Variants in JAM3 observed in about 807,000 individuals in gnomAD.
JAM3 encodes junctional adhesion molecule C.
In JAM3, 31 loss-of-function variants were observed where a neutral mutation model predicts 39.4. The observed-to-expected ratio is 0.79, with a 90% CI of 0.59 to 1.06. The LOEUF (loss-of-function observed/expected upper bound fraction) is 1.06, where lower values mean the gene tolerates loss of function less well. JAM3 is among the 50% of genes least tolerant of loss of function. The probability of loss-of-function intolerance (pLI) is 0.00; values close to 1 mark genes in which losing one functional copy is unlikely to be tolerated. For missense variants in JAM3, 455 were observed against 391.4 expected, an observed-to-expected ratio of 1.16 and a Z score of -1.37; for synonymous variants, 182 against 148.7, an observed-to-expected ratio of 1.22 and a Z score of -1.63.
rs530276601 is a variant in JAM3 at position 134,121,493 on chromosome 11, T to C, written c.77-18358T>C. 1.4e-4 allele frequency among the ~76,000 whole-genome samples: 21 copies of C among 152,048 alleles called. No individual in the cohort carries two copies. The South Asian group carries it at 4.4e-3, about 32-fold the overall frequency. On this transcript the variant is annotated intron_variant, in intron 1 of 8. Transcript: ENST00000299106. Reference sequence around the variant, plus strand: ...GCTCCCTCCTTTTTTTTTTTGAGCATGTAAAACATGTTTTGTTGTTCTTTA... The same window carrying C: ...GCTCCCTCCTTTTTTTTTTTGAGCACGTAAAACATGTTTTGTTGTTCTTTA...
At chr11:134,126,430 G>C (rs575044863) in intron 1 of JAM3, 1 of 152,362 alleles carries the variant, frequency 6.6e-6, no homozygotes, top group East Asian at 1.9e-4. Flanking sequence ...TTGTTTATAT[G>C]CATGACTTTG....
chr11:134,131,320 T>C (rs1463909035), intron 1 of JAM3, among the ~76,000 whole-genome samples: 2 of 152,084 alleles, frequency 1.3e-5, no homozygotes, highest in African/African-American at 2.4e-5. Context: ...TTATAATAGC[T>C]GAACACAAGG....
chr11:134,075,214 T>G (rs1379113684), intron 1 of JAM3, among the ~76,000 whole-genome samples: 4 of 152,148 alleles, frequency 2.6e-5, no homozygotes, highest in African/African-American at 9.7e-5. Context: ...GGGTAAATAT[T>G]CTGTGGGTTT....
chr11:134,113,991 C>T (rs1228313716), intron 1 of JAM3, among the ~76,000 whole-genome samples: 1 of 152,124 alleles, frequency 6.6e-6, no homozygotes, highest in East Asian at 1.9e-4. Flanking sequence ...TAAATGTCTT[C>T]TTTTCAGAAG....
chr11:134,073,505 A>G (rs1034293509), intron 1 of JAM3, among the ~76,000 whole-genome samples: 13 of 152,162 alleles, frequency 8.5e-5, no homozygotes, highest in African/African-American at 3.1e-4. Context: ...ATGTTTGACA[A>G]CCTCAGCCCA....
chr11:134,134,384 A>C (rs551690204), intron 1 of JAM3, among the ~76,000 whole-genome samples: 2 of 142,074 alleles, frequency 1.4e-5, no homozygotes, highest in Non-Finnish European at 3.0e-5. Flanking sequence ...GAAAACACCA[A>C]ACAGGATAAA....
intron 1 of JAM3, among the ~76,000 whole-genome samples, chr11:134,069,966 A>G (rs1487022520): frequency 1.3e-5 from 2 of 152,222 alleles, no homozygotes; most frequent in Admixed American, 1.3e-4. Flanking sequence ...TGATCAAGAC[A>G]CACTAATAAA....
At chr11:134,141,265 G>C (rs971291319) in intron 3 of JAM3, among the ~76,000 whole-genome samples, 1 of 152,128 alleles carries the variant, frequency 6.6e-6, no homozygotes, top group South Asian at 2.1e-4. Context: ...GTCAGGGAAG[G>C]CTCCCCAAAG....
chr11:134,133,110 CTG>C (rs1415195815), intron 1 of JAM3, among the ~76,000 whole-genome samples: 1 of 152,164 alleles, frequency 6.6e-6, no homozygotes, highest in African/African-American at 2.4e-5. Flanking sequence ...GCATGCTAGA[CTG>C]AGAACCAGAA....
chr11:134,137,613 T>C (rs1942891680), intron 1 of JAM3, among the ~76,000 whole-genome samples: 1 of 152,142 alleles, frequency 6.6e-6, no homozygotes, highest in Non-Finnish European at 1.5e-5. Flanking sequence ...ATGGTGCTCA[T>C]ACTGAGAGAA....
At position 134,148,632 on chromosome 11, in the gene JAM3, A is replaced by T. The variant is rs778912033; in HGVS notation, c.798A>T (p.Ala266=). The T allele has an allele frequency of 8.1e-6, 13 of 1,614,184 alleles. No homozygotes were observed. In the South Asian group the frequency reaches 1.4e-4, roughly 18 times the overall value. ...TGATCACGTTGGGCATCTGCTGTGC[A>T]TACAGACGTGGCTACTTCATCAACA... ...LALITLGICC[A]YRRGYFINNK... Residue 266 remains alanine (A), a synonymous_variant, in exon 7 of 9, where the codon GCA becomes GCT. Transcript: ENST00000299106.
intron 3 of JAM3, among the ~76,000 whole-genome samples, chr11:134,143,416 T>C (rs1332804796): frequency 1.3e-5 from 2 of 152,222 alleles, no homozygotes; most frequent in Non-Finnish European, 2.9e-5. Flanking sequence ...TTTTTTTTTC[T>C]AGAAACAGGA....
At chr11:134,131,346 G>A (rs1591800650) in intron 1 of JAM3, among the ~76,000 whole-genome samples, 1 of 151,890 alleles carries the variant, frequency 6.6e-6, no homozygotes, top group African/African-American at 2.4e-5. Context: ...GAACCTCAGT[G>A]ACCAAACTTG....
intron 1 of JAM3, among the ~76,000 whole-genome samples, chr11:134,111,374 C>A (rs1942306849): frequency 6.6e-6 from 1 of 151,950 alleles, no homozygotes; most frequent in Non-Finnish European, 1.5e-5. Flanking sequence ...AATCTCCTGA[C>A]CTCGTGTTCC....
intron 1 of JAM3, among the ~76,000 whole-genome samples, chr11:134,127,625 C>T (rs909013312): frequency 2.1e-4 from 32 of 152,220 alleles, no homozygotes; most frequent in African/African-American, 6.0e-4. Flanking sequence ...ACTTGAGCCC[C>T]GGAGGTGGAG....
At chr11:134,077,425 G>A (rs1177272455) in intron 1 of JAM3, among the ~76,000 whole-genome samples, 3 of 149,966 alleles carry the variant, frequency 2.0e-5, no homozygotes, top group African/African-American at 7.4e-5. Flanking sequence ...GTGCAATGGC[G>A]TGATCTCGGC....
At chr11:134,114,359 T>G (rs1942380206) in intron 1 of JAM3, among the ~76,000 whole-genome samples, 2 of 152,252 alleles carry the variant, frequency 1.3e-5, no homozygotes, top group Admixed American at 6.5e-5. Flanking sequence ...TTAATTTTTG[T>G]ATAAGGTGTG....
chr11:134,115,080 T>C (rs945371946), intron 1 of JAM3, among the ~76,000 whole-genome samples: 1 of 152,214 alleles, frequency 6.6e-6, no homozygotes, highest in South Asian at 2.1e-4. Context: ...ATTGACCTCT[T>C]TATCGATTTT....
intron 5 of JAM3, among the ~76,000 whole-genome samples, chr11:134,145,729 T>A (rs375839796): frequency 1.6e-4 from 25 of 152,300 alleles, no homozygotes; most frequent in African/African-American, 5.3e-4. Context: ...CCATTTCGGA[T>A]GTTGCCAGGC....
Sources: allele counts gnomAD v4.1 joint callset (sites outside exome capture counted in the v4.1 genomes callset), GRCh38; gene constraint gnomAD v4.1.1; transcripts MANE v1.5; gene names NCBI Gene and HGNC (gene_info 2026-07-23, HGNC 2026-07-21).